The following CACNA1D variants were observed in gnomAD, a reference collection of about 807,000 sequenced individuals.
CACNA1D encodes voltage-dependent L-type calcium channel subunit alpha-1D.
CACNA1D carries 55 observed loss-of-function variants against 257.1 expected under a neutral mutation model. That is an observed-to-expected ratio of 0.21 (90% confidence interval 0.17 to 0.27). The LOEUF (loss-of-function observed/expected upper bound fraction) is 0.27. Among genes scored for constraint, CACNA1D ranks in the 10% least tolerant of loss-of-function variants. The pLI, the probability that CACNA1D is intolerant of heterozygous loss-of-function variation, is 1.00. For missense variants in CACNA1D, 1,876 were observed against 2,784.0 expected (o/e 0.67, Z 7.34); for synonymous variants, 980 against 1,014.9 (o/e 0.97, Z 0.65).
intron 8 of CACNA1D, among the ~76,000 whole-genome samples, chr3:53,691,620 A>T (rs2094520037): frequency 6.9e-6 from 1 of 145,104 alleles, no homozygotes; most frequent in Non-Finnish European, 1.5e-5. Context: ...CATATTTCAT[A>T]CTCAGATGCC....
intron 3 of CACNA1D, among the ~76,000 whole-genome samples, chr3:53,626,144 A>C (rs1294118208): frequency 6.6e-6 from 1 of 152,234 alleles, no homozygotes; most frequent in Non-Finnish European, 1.5e-5. Context: ...GGGACCCCTC[A>C]GAGGTGATTC....
intron 8 of CACNA1D, among the ~76,000 whole-genome samples, chr3:53,675,761 A>T (rs913848482): frequency 3.3e-5 from 5 of 152,060 alleles, no homozygotes; most frequent in African/African-American, 9.6e-5. Context: ...TAATTTTTTT[A>T]AAAAATATTT....
chr3:53,532,811 C>A (rs1430607087), intron 3 of CACNA1D, among the ~76,000 whole-genome samples: 5 of 152,184 alleles, frequency 3.3e-5, no homozygotes, highest in Non-Finnish European at 7.3e-5. Context: ...AACACAGCAA[C>A]CTCAGACTCC....
intron 29 of CACNA1D, among the ~76,000 whole-genome samples, chr3:53,754,826 G>A (rs1321075055): frequency 6.6e-6 from 1 of 152,138 alleles, no homozygotes; most frequent in Non-Finnish European, 1.5e-5. Context: ...TGAAATGGAT[G>A]GTTTCACATA....
intron 3 of CACNA1D, among the ~76,000 whole-genome samples, chr3:53,637,663 G>T (rs1274059217): frequency 6.6e-6 from 1 of 152,104 alleles, no homozygotes; most frequent in Non-Finnish European, 1.5e-5. Context: ...CCTCTGGGAG[G>T]TGTCAAATAA....
chr3:53,764,211 T>C (rs1162527678), intron 30 of CACNA1D, among the ~76,000 whole-genome samples: 1 of 152,230 alleles, frequency 6.6e-6, no homozygotes, highest in Non-Finnish European at 1.5e-5. Context: ...TAAATGATGC[T>C]TGGTTGTAAA....
intron 3 of CACNA1D, among the ~76,000 whole-genome samples, chr3:53,565,595 T>C (rs2092820250): frequency 6.6e-6 from 1 of 152,218 alleles, no homozygotes; most frequent in Non-Finnish European, 1.5e-5. Flanking sequence ...GTCTTCTGTT[T>C]AAGTTCAGTT....
At chr3:53,807,213 C>G (rs1173111271) in intron 45 of CACNA1D, among the ~76,000 whole-genome samples, 2 of 152,110 alleles carry the variant, frequency 1.3e-5, no homozygotes, top group East Asian at 3.9e-4. Context: ...GACCGCTGCT[C>G]TCCTTTCCCA....
chr3:53,534,651 G>T (rs2107476078), intron 3 of CACNA1D, among the ~76,000 whole-genome samples: 1 of 152,154 alleles, frequency 6.6e-6, no homozygotes, highest in African/African-American at 2.4e-5. Flanking sequence ...ACCCCATTCT[G>T]CCCCTTTTCC....
chr3:53,723,793 C>T lies in CACNA1D; in HGVS notation c.1894C>T (p.His632Tyr), dbSNP rs779537136. ...TGACACCCTCATCTTGACTTATAGG[C>T]ACTGGACTTCCCTGAGCAACTTAGT... ...RLLRIFKVTR[H>Y]WTSLSNLVAS... Residue 632 changes from histidine to tyrosine, a missense_variant and splice_region_variant, in exon 14 of 48, where the codon CAC (histidine) becomes TAC (tyrosine). By Grantham distance (83) the His-to-Tyr change is moderately conservative. Coordinates refer to ENST00000350061, the MANE Select transcript of CACNA1D (RefSeq NM_001128840.3). The surrounding 1 kb of genome is among the most constrained non-coding windows in gnomAD (Gnocchi z 5.6). 1.2e-6 allele frequency: 2 copies of T among 1,612,886 alleles called. No homozygotes were observed. The highest frequency in any genetic ancestry group is 3.3e-5 in the Admixed American group (2 of 60,028).
intron 3 of CACNA1D, among the ~76,000 whole-genome samples, chr3:53,569,798 GTT>G (rs2092912169): frequency 6.6e-6 from 1 of 152,224 alleles, no homozygotes; most frequent in Non-Finnish European, 1.5e-5. Context: ...ATACTTCTGA[GTT>G]TAAATTCTTG....
At chr3:53,776,797 G>T in intron 36 of CACNA1D, 63 bp from the exon 37 acceptor site, 1 of 1,613,732 alleles carries the variant, frequency 6.2e-7, no homozygotes, top group Non-Finnish European at 8.5e-7. Flanking sequence ...TTTTTGTGGA[G>T]TGGACTGAAA....
rs55823212 is a variant in CACNA1D at position 53,500,253 on chromosome 3, T to TAAAAAAAAAA, written c.378-1342_378-1333dup. Among the ~76,000 whole-genome samples, 17 of 40,950 alleles carry TAAAAAAAAAA rather than the reference T, an allele frequency of 4.2e-4. 1 individual carries two copies. The highest frequency in any genetic ancestry group is 1.4e-3 in the African/African-American group (14 of 10,270). The allele number at this position is 40,950 out of a possible 152,430, so 26.9% of individuals were successfully genotyped here. A position where few individuals can be genotyped will look rare whatever the true frequency, so the allele number is the denominator to read the frequency against. On this transcript the variant is annotated intron_variant, in intron 2 of 47. Coordinates refer to ENST00000350061, the MANE Select transcript of CACNA1D (RefSeq NM_001128840.3). Reference sequence around the variant, plus strand: ...AACATGGCAAAACCCCTGTCTCTACTAAAAAAAAAAAAAAAAAAAAAAAAA... The same window carrying TAAAAAAAAAA: ...AACATGGCAAAACCCCTGTCTCTACTAAAAAAAAAAAAAAAAAAAAAAAAAAAAAAAAAAA...
chr3:53,615,495 T>C (rs1379244630), intron 3 of CACNA1D, among the ~76,000 whole-genome samples: 1 of 152,226 alleles, frequency 6.6e-6, no homozygotes, highest in African/African-American at 2.4e-5. Flanking sequence ...GCTCATCCCG[T>C]GTTTAAATTC....
At chr3:53,798,468 A>G (rs1267402100) in intron 40 of CACNA1D, among the ~76,000 whole-genome samples, 1 of 152,192 alleles carries the variant, frequency 6.6e-6, no homozygotes, top group Non-Finnish European at 1.5e-5. Context: ...GACCACCCCA[A>G]GAACTGTCTT....
intron 39 of CACNA1D, 200 bp downstream of exon 39, chr3:53,781,867 G>A (rs2109073664): frequency 1.7e-6 from 1 of 586,944 alleles, no homozygotes; most frequent in South Asian, 2.1e-5. Context: ...ACAAAGGAGA[G>A]GCTTCAGTGA....
At chr3:53,499,170 T>A (rs2090475835) in intron 2 of CACNA1D, among the ~76,000 whole-genome samples, 3 of 152,198 alleles carry the variant, frequency 2.0e-5, no homozygotes, top group Admixed American at 2.0e-4. Flanking sequence ...GCAGAGTGAA[T>A]TCCTGGATCA....
At chr3:53,640,573 C>T (rs533498564) in intron 3 of CACNA1D, among the ~76,000 whole-genome samples, 104 of 152,274 alleles carry the variant, frequency 6.8e-4, no homozygotes, top group African/African-American at 2.3e-3. Flanking sequence ...GGTTTTTGTC[C>T]TCAAGGCACT....
intron 3 of CACNA1D, among the ~76,000 whole-genome samples, chr3:53,645,630 G>A (rs752343100): frequency 6.6e-6 from 1 of 152,102 alleles, no homozygotes; most frequent in Non-Finnish European, 1.5e-5. Context: ...GACCATAAAT[G>A]CCTGGATTTA....
Sources: allele counts gnomAD v4.1 joint callset (sites outside exome capture counted in the v4.1 genomes callset), GRCh38; gene constraint gnomAD v4.1.1; non-coding constraint Gnocchi (gnomAD v3.1); transcripts MANE v1.5; gene names NCBI Gene and HGNC (gene_info 2026-07-23, HGNC 2026-07-21).